Variants in DSCAML1 observed in about 807,000 individuals in gnomAD.
The protein encoded by DSCAML1 is cell adhesion molecule DSCAML1.
A neutral mutation model predicts 200.5 loss-of-function variants in DSCAML1; 38 were observed. That is an observed-to-expected ratio of 0.19 (90% CI 0.15 to 0.25). The LOEUF (loss-of-function observed/expected upper bound fraction) is 0.25. DSCAML1 is among the 10% of genes least tolerant of loss of function. The pLI is 1.00. For synonymous variants in DSCAML1, 1,215 were observed against 1,165.0 expected, an observed-to-expected ratio of 1.04 and a Z score of -0.87; for missense variants, 2,223 against 2,858.8, an observed-to-expected ratio of 0.78 and a Z score of 5.07.
chr11:117,542,349 AC>A lies in DSCAML1; in HGVS notation c.512-9828del, dbSNP rs1210139705. Among the ~76,000 whole-genome samples the A allele has an allele frequency of 1.7e-3, 258 of 151,776 alleles. 2 individuals are homozygous for A. Among genetic ancestry groups the A allele is most frequent in the African/African-American group, 5.9e-3 (244 of 41,232 alleles). ...AAACACAAAAACAACAACAACAACA[AC>A]AACAAAAAAAAAACAGTGCAGGCGA... On this transcript the variant is annotated intron_variant, in intron 3 of 32. Transcript: ENST00000651296.
chr11:117,554,005 C>CA (rs2050513807), intron 3 of DSCAML1, among the ~76,000 whole-genome samples: 1 of 152,252 alleles, frequency 6.6e-6, no homozygotes. Flanking sequence ...TATGCTACAA[C>CA]ATGGATGAAC....
At chr11:117,629,814 G>A (rs771872702) in intron 3 of DSCAML1, among the ~76,000 whole-genome samples, 3 of 152,136 alleles carry the variant, frequency 2.0e-5, no homozygotes, top group African/African-American at 4.8e-5. Context: ...CTGGGCAATA[G>A]ATCAAGACCC....
chr11:117,780,302 AAG>A lies in DSCAML1; in HGVS notation c.364+189_364+190del, dbSNP rs371473149. 0.29 allele frequency among the ~76,000 whole-genome samples: 32,638 copies of A among 111,546 alleles called. 5,855 individuals are homozygous for A. The highest frequency in any genetic ancestry group is 0.35 in the Non-Finnish European group (18,302 of 52,292). 73.2% of individuals were successfully genotyped at this position (111,546 alleles called of 152,430 possible). Reference sequence around the variant, plus strand: ...AAAGAAAGAAAGAAAGAAAGAAAGAAAGAGAGAAAGGAGAAAGAAAGGTGTCT... The same window carrying A: ...AAAGAAAGAAAGAAAGAAAGAAAGAAAGAGAAAGGAGAAAGAAAGGTGTCT... On this transcript the variant is annotated intron_variant, in intron 2 of 32. Transcript: ENST00000651296. This position sits in a 1 kb window ranked among gnomAD's most constrained non-coding sequence, Gnocchi z 4.8.
intron 30 of DSCAML1, 115 bp downstream of exon 30, chr11:117,432,237 A>T: frequency 6.5e-6 from 8 of 1,235,858 alleles, no homozygotes; most frequent in Admixed American, 6.1e-5. Context: ...CCATTTTTGC[A>T]TTCTATTCCA....
chr11:117,555,039 C>T (rs1249958725), intron 3 of DSCAML1, among the ~76,000 whole-genome samples: 1 of 152,240 alleles, frequency 6.6e-6, no homozygotes, highest in Admixed American at 6.5e-5. Flanking sequence ...TGCCTCTGCT[C>T]ATGCTGGGCC....
chr11:117,635,311 A>G lies in DSCAML1; in HGVS notation c.512-102789T>C, dbSNP rs538553326. Among the ~76,000 whole-genome samples the G allele has an allele frequency of 1.1e-3, 173 of 152,172 alleles. 1 individual carries two copies. Among genetic ancestry groups the G allele is most frequent in the Non-Finnish European group, 1.9e-3 (129 of 67,998 alleles). ...CTTTCCAGGCAAATTCAGTTTTACC[A>G]TTTCATCCCTGGCTGGTCAGGAATT... On this transcript the variant is annotated intron_variant, in intron 3 of 32. Coordinates refer to ENST00000651296, the MANE Select transcript of DSCAML1 (RefSeq NM_020693.4).
At position 117,687,426 on chromosome 11, in the gene DSCAML1, A is replaced by ATTTTAATTTT. The variant is rs552784985; in HGVS notation, c.511+89364_511+89365insAAAATTAAAA. ...CAGGTGTGCTCCACCATGCCTGGCT[A>ATTTTAATTTT]TTTTTTTTTTTTTTTTTTTTTTAGA... On this transcript the variant is annotated intron_variant, in intron 3 of 32. Transcript: ENST00000651296. Among the ~76,000 whole-genome samples the ATTTTAATTTT allele has an allele frequency of 1.5e-3, 142 of 97,658 alleles. 2 individuals are homozygous for ATTTTAATTTT. Among genetic ancestry groups the ATTTTAATTTT allele is most frequent in the African/African-American group, 5.6e-3 (137 of 24,318 alleles). The allele number at this position is 97,658 out of a possible 152,430, so 64.1% of individuals were successfully genotyped here.
upstream of DSCAML1, among the ~76,000 whole-genome samples, chr11:117,800,001 A>G (rs11825435): frequency 4.1e-3 from 621 of 152,358 alleles, 5 homozygotes; most frequent in African/African-American, 0.014. Flanking sequence ...AATCCAGGAA[A>G]GGGGCTGCAG....
At chr11:117,681,184 C>T (rs1310863400) in intron 3 of DSCAML1, among the ~76,000 whole-genome samples, 1 of 152,208 alleles carries the variant, frequency 6.6e-6, no homozygotes, top group African/African-American at 2.4e-5. Context: ...CCAGCAAACC[C>T]CTTTGTGAAC....
intron 3 of DSCAML1, among the ~76,000 whole-genome samples, chr11:117,553,598 T>G (rs2050506342): frequency 6.6e-6 from 1 of 152,174 alleles, no homozygotes; most frequent in Non-Finnish European, 1.5e-5. Flanking sequence ...CCCATGAGGA[T>G]AGCTATTATT....
intron 3 of DSCAML1, among the ~76,000 whole-genome samples, chr11:117,548,662 C>T (rs1314719943): frequency 6.6e-6 from 1 of 152,196 alleles, no homozygotes; most frequent in South Asian, 2.1e-4. Context: ...CCCATAACAG[C>T]TGGGCCAAGG....
chr11:117,443,992 G>C lies in DSCAML1; in HGVS notation c.3756C>G (p.Ile1252Met). ...ACTGCTGACCGCGGTTTAGGTGGGC[G>C]ATCCGGTAGAAGAGCTGCTCTGGAC... is the stretch of plus-strand genomic sequence containing the variant. The part of the protein sequence containing the change: ...ETSPEQLFYR[I>M]AHLNRGQQYL... The change falls in exon 21 of 33, where the codon ATC becomes ATG. Residue 1252 changes from isoleucine to methionine, a missense_variant. Ile to Met is a conservative substitution (Grantham distance 10). Transcript: ENST00000651296. The C allele has an allele frequency of 2.5e-6, 4 of 1,613,968 alleles. No individual in the cohort carries two copies. Among genetic ancestry groups the C allele is most frequent in the Non-Finnish European group, 3.4e-6 (4 of 1,179,984 alleles).
chr11:117,664,898 G>A (rs1262680059), intron 3 of DSCAML1, among the ~76,000 whole-genome samples: 4 of 152,206 alleles, frequency 2.6e-5, no homozygotes, highest in Non-Finnish European at 5.9e-5. Context: ...ACGGCCGCGT[G>A]TCTGCTGGGC....
intron 3 of DSCAML1, among the ~76,000 whole-genome samples, chr11:117,540,365 A>G (rs1301490677): frequency 6.6e-6 from 1 of 152,154 alleles, no homozygotes; most frequent in Non-Finnish European, 1.5e-5. Context: ...CTAATGCCTC[A>G]TGATCTGAAA....
chr11:117,540,900 T>A (rs2050256487), intron 3 of DSCAML1, among the ~76,000 whole-genome samples: 1 of 152,084 alleles, frequency 6.6e-6, no homozygotes, highest in Non-Finnish European at 1.5e-5. Flanking sequence ...CTCCTGTCAC[T>A]GGGGGGTATT....
intron 8 of DSCAML1, among the ~76,000 whole-genome samples, chr11:117,514,189 T>C (rs1376906654): frequency 6.6e-6 from 1 of 152,174 alleles, no homozygotes; most frequent in Non-Finnish European, 1.5e-5. Context: ...TTTTCTTCCT[T>C]CCATGGGCCT....
chr11:117,731,350 C>T (rs2054216045), intron 3 of DSCAML1, among the ~76,000 whole-genome samples: 2 of 152,190 alleles, frequency 1.3e-5, no homozygotes, highest in African/African-American at 2.4e-5. Flanking sequence ...CCCCAAGGTC[C>T]TCAACATGGG....
intron 22 of DSCAML1, 39 bp downstream of exon 22, chr11:117,439,779 CT>C: frequency 6.3e-7 from 1 of 1,586,254 alleles, no homozygotes; most frequent in Non-Finnish European, 8.7e-7. Context: ...CTATATCCCT[CT>C]TTGGGGCCAC....
At chr11:117,570,740 C>T (rs1426133420) in intron 3 of DSCAML1, among the ~76,000 whole-genome samples, 3 of 152,230 alleles carry the variant, frequency 2.0e-5, no homozygotes, top group African/African-American at 2.4e-5. Flanking sequence ...TGGCAGATGG[C>T]GTGGGCCTCT....
Sources: allele counts gnomAD v4.1 joint callset (sites outside exome capture counted in the v4.1 genomes callset), GRCh38; gene constraint gnomAD v4.1.1; non-coding constraint Gnocchi (gnomAD v3.1); transcripts MANE v1.5; gene names NCBI Gene and HGNC (gene_info 2026-07-23, HGNC 2026-07-21).